Variants in XRN1 observed in about 807,000 individuals in gnomAD.
XRN1 encodes the protein 5'-3' exoribonuclease 1, also known as strand-exchange protein 1 homolog.
XRN1 carries 67 observed loss-of-function variants against 222.3 expected under a neutral mutation model. The ratio of observed to expected loss-of-function variants is 0.30; its 90% CI spans 0.25 to 0.37. The LOEUF (loss-of-function observed/expected upper bound fraction) is 0.37, where lower values mean the gene tolerates loss of function less well. Among genes scored for constraint, XRN1 ranks in the 10% least tolerant of loss-of-function variants. The pLI, the probability that XRN1 is intolerant of heterozygous loss-of-function variation, is 1.00. For synonymous variants in XRN1, 643 were observed against 652.4 expected (o/e 0.99, Z 0.22); for missense variants, 1,707 against 2,000.2 (o/e 0.85, Z 2.80).
chr3:142,356,286 T>C (rs1183947150), intron 31 of XRN1, among the ~76,000 whole-genome samples: 1 of 152,234 alleles, frequency 6.6e-6, no homozygotes, highest in Non-Finnish European at 1.5e-5. Context: ...TGGTAACCTA[T>C]GAGATTTTAG....
chr3:142,387,246 G>T (rs995788583), intron 20 of XRN1, among the ~76,000 whole-genome samples: 2 of 152,144 alleles, frequency 1.3e-5, no homozygotes, highest in Admixed American at 1.3e-4. Flanking sequence ...AACTTATACT[G>T]CATAAAGTTC....
intron 12 of XRN1, among the ~76,000 whole-genome samples, 178 bp from the exon 13 acceptor site, chr3:142,417,407 C>CTG (rs1239418104): frequency 6.6e-6 from 1 of 152,144 alleles, no homozygotes; most frequent in African/African-American, 2.4e-5. Flanking sequence ...AAATTACATC[C>CTG]TGTCACATGA....
At chr3:142,330,306 A>G (rs984096235) in intron 36 of XRN1, among the ~76,000 whole-genome samples, 1 of 152,206 alleles carries the variant, frequency 6.6e-6, no homozygotes, top group Non-Finnish European at 1.5e-5. Flanking sequence ...ACATGGATGA[A>G]TATTTTTGTG....
At chr3:142,432,129 C>CAT (rs908163704) in intron 2 of XRN1, among the ~76,000 whole-genome samples, 1 of 107,124 alleles carries the variant, frequency 9.3e-6, no homozygotes, top group East Asian at 2.3e-4. Flanking sequence ...AATATATTTT[C>CAT]ATATATATAA....
At chr3:142,362,856 G>C (rs922192875) in intron 29 of XRN1, among the ~76,000 whole-genome samples, 2 of 149,342 alleles carry the variant, frequency 1.3e-5, no homozygotes, top group Admixed American at 1.3e-4. Context: ...CTGCATCTCC[G>C]ATCTCCTGGG....
rs1320231039 is a variant in XRN1 at position 142,355,506 on chromosome 3, TACAA to T, written c.3673-14_3673-11del. On this transcript the variant is annotated splice_polypyrimidine_tract_variant and intron_variant, in intron 31 of 40. Transcript: ENST00000392981. Reference sequence around the variant, plus strand: ...CATCTTTAGTAGGTACCTAGCAAAGTACAAACAATTTCTTGAGAAAATGAAATAG... The same window carrying T: ...CATCTTTAGTAGGTACCTAGCAAAGTACAATTTCTTGAGAAAATGAAATAG... 9.3e-6 allele frequency: 14 copies of T among 1,503,440 alleles called. No homozygotes were observed. Among genetic ancestry groups the T allele is most frequent in the African/African-American group, 1.4e-5 (1 of 71,460 alleles). The allele number at this position is 1,503,440 out of a possible 1,614,324, so 93.1% of individuals were successfully genotyped here.
At chr3:142,318,095 T>C (rs1011148312) in intron 39 of XRN1, among the ~76,000 whole-genome samples, 1 of 152,154 alleles carries the variant, frequency 6.6e-6, no homozygotes, top group Non-Finnish European at 1.5e-5. Context: ...TGGCAGTAGA[T>C]GCAGAAAAGG....
chr3:142,389,636 C>T (rs2067642159), intron 20 of XRN1, among the ~76,000 whole-genome samples: 1 of 152,174 alleles, frequency 6.6e-6, no homozygotes, highest in African/African-American at 2.4e-5. Flanking sequence ...TCTACTGCCT[C>T]AGCCTCCCAA....
intron 27 of XRN1, among the ~76,000 whole-genome samples, chr3:142,368,241 C>T (rs753969259): frequency 6.6e-6 from 1 of 152,068 alleles, no homozygotes; most frequent in Non-Finnish European, 1.5e-5. Flanking sequence ...CTCCGCTTCC[C>T]AGGCTCAAGT....
At chr3:142,430,236 C>A (rs1051714024) in intron 2 of XRN1, among the ~76,000 whole-genome samples, 4 of 152,138 alleles carry the variant, frequency 2.6e-5, no homozygotes, top group African/African-American at 9.7e-5. Context: ...TTTGGCTTTA[C>A]AGTGATTTTT....
At chr3:142,317,480 G>A (rs1379446240) in intron 39 of XRN1, among the ~76,000 whole-genome samples, 1 of 152,142 alleles carries the variant, frequency 6.6e-6, no homozygotes, top group African/African-American at 2.4e-5. Flanking sequence ...AGAAGGGTAT[G>A]ACTGGCTACA....
chr3:142,434,483 C>T (rs894796455), intron 1 of XRN1, among the ~76,000 whole-genome samples: 1 of 146,292 alleles, frequency 6.8e-6, no homozygotes, highest in African/African-American at 2.6e-5. Context: ...TCAGCATCAA[C>T]GACTTGATCA....
intron 15 of XRN1, among the ~76,000 whole-genome samples, chr3:142,406,110 G>A (rs1450737860): frequency 6.6e-6 from 1 of 151,986 alleles, no homozygotes; most frequent in Non-Finnish European, 1.5e-5. Flanking sequence ...AATTACAAAA[G>A]AGAAAATGGA....
At chr3:142,353,429 T>C (rs1331420629) in intron 32 of XRN1, among the ~76,000 whole-genome samples, 1 of 152,196 alleles carries the variant, frequency 6.6e-6, no homozygotes, top group East Asian at 1.9e-4. Context: ...TGTAAGTTTA[T>C]ATTACCATGT....
intron 27 of XRN1, among the ~76,000 whole-genome samples, chr3:142,369,689 A>G (rs564865766): frequency 2.0e-5 from 3 of 151,586 alleles, no homozygotes; most frequent in African/African-American, 7.3e-5. Flanking sequence ...ATATTTTAGA[A>G]TTGACTGTCA....
At chr3:142,429,662 C>T (rs941281830) in intron 2 of XRN1, 1 of 152,124 alleles carries the variant, frequency 6.6e-6, no homozygotes, top group African/African-American at 2.4e-5. Flanking sequence ...ATGCATTGGC[C>T]CTCAACTTCC....
chr3:142,393,998 T>C (rs2067834718), intron 20 of XRN1, among the ~76,000 whole-genome samples: 1 of 152,162 alleles, frequency 6.6e-6, no homozygotes, highest in Non-Finnish European at 1.5e-5. Flanking sequence ...AGCTAATTTT[T>C]GTATTTTTAG....
At chr3:142,325,054 A>G (rs984940468) in intron 37 of XRN1, among the ~76,000 whole-genome samples, 14 of 152,096 alleles carry the variant, frequency 9.2e-5, no homozygotes, top group African/African-American at 3.1e-4. Flanking sequence ...ACATATACTG[A>G]TATTTTTTCT....
At chr3:142,350,408 T>C (rs922332930) in intron 32 of XRN1, among the ~76,000 whole-genome samples, 6 of 152,064 alleles carry the variant, frequency 3.9e-5, no homozygotes, top group Non-Finnish European at 5.9e-5. Context: ...AAAATGTGAG[T>C]TATAGAAAAT....
Sources: allele counts gnomAD v4.1 joint callset (sites outside exome capture counted in the v4.1 genomes callset), GRCh38; gene constraint gnomAD v4.1.1; transcripts MANE v1.5; gene names NCBI Gene and HGNC (gene_info 2026-07-23, HGNC 2026-07-21).